TBC1D28: variants seen among roughly 807,000 people sequenced by gnomAD.
TBC1D28 encodes TBC1 domain family member 28.
A neutral mutation model predicts 29.2 loss-of-function variants in TBC1D28; 20 were observed. The ratio of observed to expected loss-of-function variants is 0.68; its 90% CI spans 0.48 to 0.99. The LOEUF (loss-of-function observed/expected upper bound fraction) is 0.99, where lower values mean the gene tolerates loss of function less well. Among genes scored for constraint, TBC1D28 ranks in the 50% least tolerant of loss-of-function variants. TBC1D28 has a pLI of 0.00. For synonymous variants in TBC1D28, 65 were observed against 90.9 expected, an observed-to-expected ratio of 0.71 and a Z score of 1.62; for missense variants, 205 against 243.7, an observed-to-expected ratio of 0.84 and a Z score of 1.06.
At chr17:18,638,114 C>T (rs2031587148) in intron 7 of TBC1D28, 141 bp from the exon 9 acceptor site, 4 of 1,473,268 alleles carry the variant, frequency 2.7e-6, no homozygotes, top group Non-Finnish European at 3.7e-6. Context: ...CTCCTTTTTG[C>T]CTTGTTTCTG....
chr17:18,635,344 C>G (rs2031443783), exon 9 of TBC1D28: 1 of 164,576 alleles, frequency 6.1e-6, no homozygotes, highest in Admixed American at 6.5e-5. Context: ...TCCAGGTCCT[C>G]CTGCCAGGAG....
At chr17:18,639,682 T>A (rs1648558016) in intron 4 of TBC1D28, among the ~76,000 whole-genome samples, 1 of 96,886 alleles carries the variant, frequency 1.0e-5, no homozygotes, top group Non-Finnish European at 2.0e-5. Flanking sequence ...GCCCATCCCA[T>A]CTGACACTCC....
At chr17:18,641,844 C>G (rs2649509) in exon 1 of TBC1D28, 21,616 of 177,402 alleles carry the variant, frequency 0.12, 1,437 homozygotes, top group African/African-American at 0.16. Flanking sequence ...CAGTGAAGCC[C>G]CTTCAGGAAC....
At chr17:18,643,425 C>A (rs1257475724), upstream of TBC1D28, among the ~76,000 whole-genome samples, 5 of 150,404 alleles carry the variant, frequency 3.3e-5, no homozygotes, top group Admixed American at 6.6e-5. Context: ...TCTGGCCAGG[C>A]CCCCACTAAC....
At chr17:18,640,296 C>T (rs1021160761) in intron 4 of TBC1D28, among the ~76,000 whole-genome samples, 3 of 145,552 alleles carry the variant, frequency 2.1e-5, no homozygotes, top group Non-Finnish European at 4.5e-5. Context: ...CAGCTCCACC[C>T]GGGTCTGGCT....
exon 9 of TBC1D28, chr17:18,636,490 A>G (rs1567875081): frequency 6.2e-7 from 1 of 1,614,084 alleles, no homozygotes; most frequent in Non-Finnish European, 8.5e-7. Flanking sequence ...CCCGAGAGAC[A>G]CCCATGCCTG....
At chr17:18,634,275 T>C (rs2031376188), downstream of TBC1D28, among the ~76,000 whole-genome samples, 1 of 101,234 alleles carries the variant, frequency 9.9e-6, no homozygotes, top group Non-Finnish European at 1.8e-5. Context: ...TTTCACAAAA[T>C]GGTACATGTT....
At chr17:18,640,260 C>T (rs1291235337) in intron 4 of TBC1D28, among the ~76,000 whole-genome samples, 1 of 149,614 alleles carries the variant, frequency 6.7e-6, no homozygotes, top group East Asian at 2.1e-4. Flanking sequence ...CCCTGCCCAC[C>T]CCATCTGTTG....
upstream of TBC1D28, among the ~76,000 whole-genome samples, chr17:18,643,868 G>C (rs2031878999): frequency 6.6e-6 from 1 of 152,222 alleles, no homozygotes; most frequent in Non-Finnish European, 1.5e-5. Flanking sequence ...CGGACACCCA[G>C]CTTAGGGCAC....
At chr17:18,634,441 G>T (rs1177063642), downstream of TBC1D28, among the ~76,000 whole-genome samples, 1 of 151,784 alleles carries the variant, frequency 6.6e-6, no homozygotes, top group African/African-American at 2.4e-5. Context: ...ACATTTCAAA[G>T]TAAATTATTT....
chr17:18,643,769 C>T (rs1017190398), upstream of TBC1D28, among the ~76,000 whole-genome samples: 2 of 152,240 alleles, frequency 1.3e-5, no homozygotes, highest in African/African-American at 2.4e-5. Context: ...GCTCCCTACT[C>T]CCAGACAAGG....
chr17:18,635,237 C>G (rs965973837), exon 9 of TBC1D28: 9 of 152,852 alleles, frequency 5.9e-5, no homozygotes, highest in African/African-American at 2.2e-4. Context: ...CACGCTGTCG[C>G]GGGCTTCTGC....
rs767683127 is a variant in TBC1D28, at chr17:18,636,530, G to A, written c.565C>T (p.Arg189Ter). Residue 189 changes from arginine (R) to a stop codon, truncating the protein, a stop_gained, in exon 9 of 9, where the codon CGA becomes TGA. Transcript: ENST00000345096. LOFTEE classifies it high-confidence loss of function. The stretch of plus-strand genomic sequence containing the variant: ...TATGGGCACAGGTACCAGGAATATC[G>A]CTGCCCGGGAATACTCACAGGGTTA... 38 of 1,613,586 alleles carry A rather than the reference G, an allele frequency of 2.4e-5. No homozygotes were observed. Among genetic ancestry groups the A allele is most frequent in the Middle Eastern group, 1.6e-4 (1 of 6,082 alleles).
chr17:18,637,119 C>T (rs1471010761), intron 8 of TBC1D28, among the ~76,000 whole-genome samples: 2 of 136,468 alleles, frequency 1.5e-5, no homozygotes, highest in Admixed American at 7.7e-5. Flanking sequence ...TTGGGTCTGG[C>T]GTCATTCCCT....
At chr17:18,642,236 G>A (rs1295095277) in exon 1 of TBC1D28, 1 of 152,550 alleles carries the variant, frequency 6.6e-6, no homozygotes, top group East Asian at 1.9e-4. Flanking sequence ...AACTGCCTGA[G>A]GGCAGAGGGC....
exon 1 of TBC1D28, chr17:18,642,252 A>C (rs1440369075): frequency 3.3e-5 from 5 of 152,496 alleles, no homozygotes; most frequent in African/African-American, 1.2e-4. Context: ...AGGGCTCCCC[A>C]CCCCACTCCT....
chr17:18,637,780 C>A (rs2031568673), intron 8 of TBC1D28, 84 bp downstream of exon 9: 2 of 1,580,950 alleles, frequency 1.3e-6, no homozygotes, highest in Non-Finnish European at 1.7e-6. Context: ...TCCTGGGTGA[C>A]CCTGGCCTCT....
chr17:18,638,826 C>G, intron 5 of TBC1D28, 125 bp from the exon 7 acceptor site: 1 of 1,248,862 alleles, frequency 8.0e-7, no homozygotes, highest in Non-Finnish European at 1.1e-6. Flanking sequence ...AAAGGGCAGG[C>G]CCCAGGGGCT....
Position 18,638,558 on chromosome 17 carries a change from A to G in TBC1D28, c.279+63T>C, listed in dbSNP as rs578248146. ...AGAGGCACCCACCCAGGCCAAAACCATGGGCGCCTGTCTCCTGGCTCTGCA... is the reference window on the plus strand; with the variant it reads ...AGAGGCACCCACCCAGGCCAAAACCGTGGGCGCCTGTCTCCTGGCTCTGCA... On this transcript the variant is annotated intron_variant, in intron 6 of 8. Transcript: ENST00000345096. 1.0e-4 allele frequency: 133 copies of G among 1,305,528 alleles called. 3 individuals carry two copies. In the African/African-American group the frequency reaches 2.3e-3, roughly 23 times the overall value. 80.9% of individuals were successfully genotyped at this position (1,305,528 alleles called of 1,614,324 possible). A position where few individuals can be genotyped will look rare whatever the true frequency, so the allele number is the denominator to read the frequency against.
Sources: allele counts gnomAD v4.1 joint callset (sites outside exome capture counted in the v4.1 genomes callset), GRCh38; gene constraint gnomAD v4.1.1; transcripts MANE v1.5; gene names NCBI Gene and HGNC (gene_info 2026-07-23, HGNC 2026-07-21).